Variants in SLC4A4 observed in about 807,000 individuals in gnomAD.
SLC4A4 encodes electrogenic sodium bicarbonate cotransporter 1.
A neutral mutation model predicts 111.5 loss-of-function variants in SLC4A4; 27 were observed. The ratio of observed to expected loss-of-function variants is 0.24; its 90% CI spans 0.18 to 0.33. The LOEUF is 0.33. Among genes scored for constraint, SLC4A4 ranks in the 10% least tolerant of loss-of-function variants. The pLI is 1.00. For synonymous variants in SLC4A4, 443 were observed against 463.4 expected, an observed-to-expected ratio of 0.96 and a Z score of 0.57; for missense variants, 909 against 1,315.5, an observed-to-expected ratio of 0.69 and a Z score of 4.78.
intron 12 of SLC4A4, among the ~76,000 whole-genome samples, chr4:71,461,551 C>T (rs1238085081): frequency 2.0e-5 from 3 of 152,124 alleles, no homozygotes; most frequent in African/African-American, 4.8e-5. Context: ...AATGTGCTTG[C>T]GTTGCCTTAG....
intron 7 of SLC4A4, among the ~76,000 whole-genome samples, chr4:71,399,894 C>T (rs1312862754): frequency 6.6e-6 from 1 of 152,162 alleles, no homozygotes; most frequent in African/African-American, 2.4e-5. Flanking sequence ...TTTCATCTTT[C>T]TACCTCTTGA....
At chr4:71,218,156 C>G (rs1718542860) in intron 1 of SLC4A4, among the ~76,000 whole-genome samples, 1 of 152,166 alleles carries the variant, frequency 6.6e-6, no homozygotes, top group South Asian at 2.1e-4. Context: ...CTGAACAGCT[C>G]TTTAAGAAGT....
At chr4:71,225,050 G>A (rs1161386243) in intron 1 of SLC4A4, among the ~76,000 whole-genome samples, 1 of 152,146 alleles carries the variant, frequency 6.6e-6, no homozygotes, top group Admixed American at 6.5e-5. Context: ...AAATGTGACT[G>A]AAAAAATTAA....
intron 3 of SLC4A4, among the ~76,000 whole-genome samples, chr4:71,311,609 G>A (rs76379314): frequency 0.076 from 11,484 of 152,034 alleles, 783 homozygotes; most frequent in Admixed American, 0.22. Flanking sequence ...ACGAAATTAA[G>A]GCAGAAGTAA....
intron 8 of SLC4A4, among the ~76,000 whole-genome samples, chr4:71,441,525 G>T (rs973935479): frequency 2.6e-5 from 4 of 151,734 alleles, no homozygotes; most frequent in Non-Finnish European, 5.9e-5. Context: ...GGGATGGGGG[G>T]TGGGGGAGTT....
At chr4:71,362,974 T>A (rs547875795) in intron 6 of SLC4A4, among the ~76,000 whole-genome samples, 1 of 152,312 alleles carries the variant, frequency 6.6e-6, no homozygotes, top group African/African-American at 2.4e-5. Context: ...TCCTCTTTTT[T>A]AATTCAAATA....
chr4:71,523,867 G>A (rs1733182238), intron 16 of SLC4A4, among the ~76,000 whole-genome samples: 1 of 152,052 alleles, frequency 6.6e-6, no homozygotes, highest in African/African-American at 2.4e-5. Context: ...AGAGGTTCAA[G>A]GAATGTTGAT....
rs1005140580 is a variant in SLC4A4 at position 71,568,547 on chromosome 4, A to C, written c.*796A>C. 5.3e-5 allele frequency: 8 copies of C among 152,182 alleles called. No homozygotes were observed. Among genetic ancestry groups the C allele is most frequent in the African/African-American group, 1.9e-4 (8 of 41,382 alleles). 9.4% of individuals were successfully genotyped at this position (152,182 alleles called of 1,614,324 possible). Reference sequence around the variant, plus strand: ...TTTAATGAACTTATCTGTTGAGTACATTGAAGAATATTTTTCTTCCTAGAT... The same window carrying C: ...TTTAATGAACTTATCTGTTGAGTACCTTGAAGAATATTTTTCTTCCTAGAT... On this transcript the variant is annotated 3_prime_UTR_variant, in exon 26 of 26. Transcript: ENST00000264485.
At chr4:71,409,100 C>A (rs1721127870) in intron 7 of SLC4A4, among the ~76,000 whole-genome samples, 1 of 152,164 alleles carries the variant, frequency 6.6e-6, no homozygotes, top group Admixed American at 6.5e-5. Flanking sequence ...ACTGTAAGTT[C>A]AATTAAATCT....
rs1725721851 is a variant in SLC4A4 at position 71,451,104 on chromosome 4, C to T, written c.1209-84C>T. On this transcript the variant is annotated intron_variant, in intron 10 of 25. Coordinates refer to ENST00000264485, the MANE Select transcript of SLC4A4 (RefSeq NM_001098484.3). ...CACCTTAAGGGTTTTCACTCCATCTCCCCATTAGCCAGAGCATGATACAGC... is the reference window on the plus strand; with the variant it reads ...CACCTTAAGGGTTTTCACTCCATCTTCCCATTAGCCAGAGCATGATACAGC... The T allele has an allele frequency of 2.8e-5, 25 of 884,268 alleles. No individual in the cohort carries two copies. The South Asian group carries it at 3.4e-4, about 12-fold the overall frequency. The allele number at this position is 884,268 out of a possible 1,614,324, so 54.8% of individuals were successfully genotyped here.
At chr4:71,202,287 A>G (rs1420890131) in intron 1 of SLC4A4, among the ~76,000 whole-genome samples, 2 of 152,216 alleles carry the variant, frequency 1.3e-5, no homozygotes, top group Non-Finnish European at 2.9e-5. Context: ...ATGGAGATGC[A>G]GTCTCTGCCA....
chr4:71,273,121 A>G (rs1198316239), intron 3 of SLC4A4, among the ~76,000 whole-genome samples: 1 of 152,212 alleles, frequency 6.6e-6, no homozygotes, highest in African/African-American at 2.4e-5. Flanking sequence ...GCCTCATAAC[A>G]ACCCTATGAG....
chr4:71,091,081 G>C (rs918736415), intron 1 of SLC4A4, among the ~76,000 whole-genome samples: 1 of 152,092 alleles, frequency 6.6e-6, no homozygotes, highest in Non-Finnish European at 1.5e-5. Context: ...CTGAGTAGCT[G>C]AGATTACAGT....
At chr4:71,349,600 TA>T (rs1332273402) in intron 4 of SLC4A4, among the ~76,000 whole-genome samples, 1 of 152,222 alleles carries the variant, frequency 6.6e-6, no homozygotes, top group Non-Finnish European at 1.5e-5. Flanking sequence ...TCTACCTTAT[TA>T]AAAAATTTAG....
chr4:71,063,841 G>A (rs1415535005), intron 1 of SLC4A4, among the ~76,000 whole-genome samples: 1 of 152,058 alleles, frequency 6.6e-6, no homozygotes, highest in Non-Finnish European at 1.5e-5. Flanking sequence ...AATCAGTGAT[G>A]TATTATATAC....
intron 6 of SLC4A4, among the ~76,000 whole-genome samples, chr4:71,362,662 C>A (rs1379765271): frequency 6.6e-6 from 1 of 152,182 alleles, no homozygotes; most frequent in Admixed American, 6.5e-5. Context: ...GTGAGGAAGA[C>A]CTTTCTCATC....
At chr4:71,398,284 C>CAAA (rs34473877) in intron 7 of SLC4A4, among the ~76,000 whole-genome samples, 3 of 78,440 alleles carry the variant, frequency 3.8e-5, no homozygotes, top group African/African-American at 1.2e-4. Context: ...GACTTTGTCT[C>CAAA]AAAAAAAAAA....
At chr4:71,198,873 T>C (rs2149001162) in intron 1 of SLC4A4, among the ~76,000 whole-genome samples, 1 of 152,328 alleles carries the variant, frequency 6.6e-6, no homozygotes, top group South Asian at 2.1e-4. Flanking sequence ...TTTAAGTTTA[T>C]ACAGTGGGTA....
At chr4:71,224,815 A>G (rs1279346746) in intron 1 of SLC4A4, among the ~76,000 whole-genome samples, 1 of 152,158 alleles carries the variant, frequency 6.6e-6, no homozygotes, top group African/African-American at 2.4e-5. Flanking sequence ...TTAATTATGA[A>G]AGAGTATAGT....
Sources: gnomAD v4.1 joint callset for allele counts (sites outside exome capture counted in the v4.1 genomes callset) on GRCh38, gnomAD v4.1.1 for gene constraint, MANE v1.5 for transcripts, NCBI Gene and HGNC (gene_info 2026-07-23, HGNC 2026-07-21) for gene names.